The following ITGA7 variants were observed in gnomAD, a reference collection of about 807,000 sequenced individuals.
ITGA7 encodes the protein integrin subunit alpha 7.
A neutral mutation model predicts 131.6 loss-of-function variants in ITGA7; 84 were observed. That is an observed-to-expected ratio of 0.64 (90% confidence interval 0.54 to 0.77). The LOEUF is 0.77. ITGA7 is among the 30% of genes least tolerant of loss of function. The pLI, the probability that ITGA7 is intolerant of heterozygous loss-of-function variation, is 0.00. For synonymous variants in ITGA7, 548 were observed against 600.7 expected (o/e 0.91, Z 1.28); for missense variants, 1,399 against 1,482.9 (o/e 0.94, Z 0.93).
At chr12:55,702,535 G>A (rs1041675853) in intron 3 of ITGA7, among the ~76,000 whole-genome samples, 5 of 151,968 alleles carry the variant, frequency 3.3e-5, no homozygotes, top group Admixed American at 6.6e-5. Flanking sequence ...GGCTGGTCTC[G>A]AACTCCTGAC....
At chr12:55,716,322 G>A (rs937833518), upstream of ITGA7, 3 of 1,494,732 alleles carry the variant, frequency 2.0e-6, no homozygotes, top group East Asian at 7.7e-5. Context: ...GGGCATGGGG[G>A]AGAGGGAATT....
chr12:55,710,794 A>G (rs1876030689), upstream of ITGA7, among the ~76,000 whole-genome samples: 1 of 151,702 alleles, frequency 6.6e-6, no homozygotes, highest in Non-Finnish European at 1.5e-5. Flanking sequence ...GTATTATTCC[A>G]CTCGCATACC....
chr12:55,688,349 C>G (rs1211111281), intron 22 of ITGA7, 49 bp from the exon 23 acceptor site: 2 of 1,232,158 alleles, frequency 1.6e-6, no homozygotes, highest in Admixed American at 3.5e-5. Flanking sequence ...CCATGTCTCC[C>G]TCCCTTCCCC....
Position 55,694,829 on chromosome 12 carries a change from G to T in ITGA7, c.2145C>A (p.Val715=), listed in dbSNP as rs375961499. ...GDDAHEAQLL[V]MLPDSLHYSG... ...AGTAGTGCAGTGAGTCAGGAAGCAT[G>T]ACCAGGAGCTGGGCTTCATGGGCAT... The change falls in exon 15 of 25, where the codon GTC becomes GTA. Residue 715 remains valine (V), a synonymous_variant. Transcript: ENST00000257879. The surrounding 1 kb of genome is among the most constrained non-coding windows in gnomAD (Gnocchi z 5.3). 1.4e-5 allele frequency: 23 copies of T among 1,613,844 alleles called. No individual in the cohort carries two copies. The highest frequency in any genetic ancestry group is 1.7e-5 in the Non-Finnish European group (20 of 1,180,002).
At chr12:55,705,686 C>T (rs1875031320) in intron 1 of ITGA7, among the ~76,000 whole-genome samples, 1 of 152,276 alleles carries the variant, frequency 6.6e-6, no homozygotes, top group Non-Finnish European at 1.5e-5. Flanking sequence ...ACAGCACTCA[C>T]TGCGGGCTAT....
At chr12:55,697,364 G>A (rs2136024091) in intron 10 of ITGA7, 87 bp from the exon 11 acceptor site, 2 of 1,579,066 alleles carry the variant, frequency 1.3e-6, no homozygotes, top group East Asian at 4.5e-5. Context: ...TCCTGTCACA[G>A]CCCCAGCCCC....
chr12:55,700,580 G>A, intron 4 of ITGA7: 1 of 684,340 alleles, frequency 1.5e-6, no homozygotes, highest in South Asian at 1.9e-5. Context: ...TGTCAGCTCA[G>A]CCAGCAGCAG....
upstream of ITGA7, chr12:55,712,149 A>G (rs760148416): frequency 6.4e-7 from 1 of 1,551,510 alleles, no homozygotes; most frequent in South Asian, 1.2e-5. Context: ...GAGGAAAAGA[A>G]CATAAATGTG....
At chr12:55,706,039 G>GGCCCCAGC (rs1186614490) in intron 1 of ITGA7, among the ~76,000 whole-genome samples, 1 of 152,188 alleles carries the variant, frequency 6.6e-6, no homozygotes, top group Admixed American at 6.5e-5. Context: ...CTCTGGGAAA[G>GGCCCCAGC]GCCCCAGCTT....
At chr12:55,687,290 G>A (rs1870398146) in intron 24 of ITGA7, among the ~76,000 whole-genome samples, 1 of 141,888 alleles carries the variant, frequency 7.0e-6, no homozygotes, top group Non-Finnish European at 1.5e-5. Flanking sequence ...CGATTCTCCT[G>A]TCTCAGCCTC....
chr12:55,712,352 C>T (rs1876199737), upstream of ITGA7: 1 of 930,414 alleles, frequency 1.1e-6, no homozygotes, highest in Non-Finnish European at 1.7e-6. Flanking sequence ...CACCAACCCC[C>T]TCTCTTGAAG....
chr12:55,699,009 C>A, intron 5 of ITGA7, 92 bp from the exon 6 acceptor site: 1 of 1,239,180 alleles, frequency 8.1e-7, no homozygotes, highest in African/African-American at 1.5e-5. Context: ...CCCCTCCCTA[C>A]AGGTTAAGAG....
At chr12:55,710,461 G>GGAATTTAA (rs1449756049), upstream of ITGA7, among the ~76,000 whole-genome samples, 248 of 152,194 alleles carry the variant, frequency 1.6e-3, 3 homozygotes, top group East Asian at 7.9e-3. Flanking sequence ...TCAGTCAAGA[G>GGAATTTAA]CTTAGGAATT....
intron 5 of ITGA7, among the ~76,000 whole-genome samples, 169 bp from the exon 6 acceptor site, chr12:55,699,086 A>C (rs1162393768): frequency 2.1e-5 from 3 of 144,168 alleles, no homozygotes; most frequent in Admixed American, 7.2e-5. Context: ...AGGTCCCCCC[A>C]AGTCATCAGC....
At position 55,699,860 on chromosome 12, in the gene ITGA7, G is replaced by C. The variant is rs762446618; in HGVS notation, c.790+10C>G. 3.1e-6 allele frequency: 5 copies of C among 1,599,692 alleles called. No individual in the cohort carries two copies. The South Asian group carries it at 4.5e-5, about 14-fold the overall frequency. ...TGCCCCTAGAGTCCAGGAGGTGGGAGCTTACAAACCTAAGTAGCTATTGAG... is the reference window on the plus strand; with the variant it reads ...TGCCCCTAGAGTCCAGGAGGTGGGACCTTACAAACCTAAGTAGCTATTGAG... On this transcript the variant is annotated intron_variant, in intron 5 of 24. Coordinates refer to ENST00000257879, the MANE Select transcript of ITGA7 (RefSeq NM_002206.3).
At position 55,694,901 on chromosome 12, in the gene ITGA7, G is replaced by A. The variant is rs750377949; in HGVS notation, c.2073C>T (p.Val691=). Residue 691 remains valine (V), a synonymous_variant, in exon 15 of 25, where the codon GTC becomes GTT. Coordinates refer to ENST00000257879, the MANE Select transcript of ITGA7 (RefSeq NM_002206.3). The surrounding 1 kb of genome is among the most constrained non-coding windows in gnomAD (Gnocchi z 5.3). ...GGGCTGGGTCCGATGGCAGGTTGGT[G>A]ACCATCAGCTCCAGGCCAATGACTG... The part of the protein sequence containing the change: ...GQPVIGLELM[V]TNLPSDPAQP... 1.5e-5 allele frequency: 24 copies of A among 1,614,004 alleles called. No homozygotes were observed. The highest frequency in any genetic ancestry group is 2.2e-5 in the East Asian group (1 of 44,864).
At chr12:55,712,243 G>A (rs1565649051), upstream of ITGA7, 2 of 1,551,304 alleles carry the variant, frequency 1.3e-6, no homozygotes, top group Admixed American at 2.0e-5. Flanking sequence ...GAGAAGGACT[G>A]GGAGGTCACT....
intron 3 of ITGA7, 192 bp from the exon 4 acceptor site, chr12:55,701,346 C>T: frequency 1.3e-6 from 2 of 1,554,838 alleles, no homozygotes; most frequent in South Asian, 2.4e-5. Flanking sequence ...TTACACAGGT[C>T]CATGCATAAC....
chr12:55,696,357 G>A lies in ITGA7; in HGVS notation c.1813C>T (p.Gln605Ter), dbSNP rs1872621568. The change falls in exon 13 of 25, where the codon CAG becomes TAG. Residue 605 changes from glutamine to a stop codon, truncating the protein, a stop_gained. Coordinates refer to ENST00000257879, the MANE Select transcript of ITGA7 (RefSeq NM_002206.3). LOFTEE classifies it high-confidence loss of function. The stretch of plus-strand genomic sequence containing the variant: ...GGAGGCAGCCCCTGGCCAGGAGCCT[G>A]TCGCCGGAGCCGAGGGGTCTGGAGA... ...YSLQTPRLRR[Q>*]APGQGLPPVA... 6.3e-7 allele frequency: 1 copy of A among 1,591,052 alleles called. No homozygotes were observed. Among genetic ancestry groups the A allele is most frequent in the Admixed American group, 1.8e-5 (1 of 57,126 alleles).
Sources: gnomAD v4.1 joint callset for allele counts (sites outside exome capture counted in the v4.1 genomes callset) on GRCh38, gnomAD v4.1.1 for gene constraint, Gnocchi (gnomAD v3.1) non-coding constraint, MANE v1.5 for transcripts, NCBI Gene and HGNC (gene_info 2026-07-23, HGNC 2026-07-21) for gene names.